The following ALDH3A2 variants were observed in gnomAD, a reference collection of about 807,000 sequenced individuals.
ALDH3A2 encodes aldehyde dehydrogenase family 3 member A2.
A neutral mutation model predicts 51.3 loss-of-function variants in ALDH3A2; 36 were observed. The observed-to-expected ratio is 0.70, with a 90% CI of 0.54 to 0.93. The LOEUF (loss-of-function observed/expected upper bound fraction) is 0.93, where lower values mean the gene tolerates loss of function less well. Ranked by LOEUF, ALDH3A2 falls within the 40% of genes least tolerant of loss-of-function variation. The probability of loss-of-function intolerance (pLI) is 0.00; values close to 1 mark genes in which losing one functional copy is unlikely to be tolerated. For synonymous variants in ALDH3A2, 199 were observed against 219.8 expected, an observed-to-expected ratio of 0.91 and a Z score of 0.84; for missense variants, 552 against 603.1, an observed-to-expected ratio of 0.92 and a Z score of 0.89.
At chr17:19,648,743 TCGAGCTCAGTCCTCC>T (rs2084768624) in exon 1 of ALDH3A2, 52 of 607,880 alleles carry the variant, frequency 8.6e-5, no homozygotes, top group South Asian at 1.0e-3. Context: ...AGGCTTTGGG[TCGAGCTCAGTCCTCC>T]CCCGGCGCCT....
At chr17:19,655,336 G>A (rs2084880484) in intron 3 of ALDH3A2, 1 of 152,260 alleles carries the variant, frequency 6.6e-6, no homozygotes, top group East Asian at 1.9e-4. Context: ...ATGGAAGACA[G>A]TGAGATGTCA....
intron 8 of ALDH3A2, among the ~76,000 whole-genome samples, chr17:19,667,763 T>G (rs973878435): frequency 3.9e-5 from 6 of 152,218 alleles, no homozygotes; most frequent in Non-Finnish European, 7.3e-5. Context: ...TTTGCCATGT[T>G]AGCCAGCCTG....
chr17:19,668,574 G>A (rs1401553183), intron 8 of ALDH3A2, among the ~76,000 whole-genome samples: 1 of 151,780 alleles, frequency 6.6e-6, no homozygotes, highest in African/African-American at 2.4e-5. Context: ...TTTGTTTTTT[G>A]GTTTCCGATT....
chr17:19,658,108 A>G (rs2084921103), intron 5 of ALDH3A2, among the ~76,000 whole-genome samples: 2 of 152,238 alleles, frequency 1.3e-5, no homozygotes, highest in South Asian at 4.1e-4. Flanking sequence ...TAGTTGTGGC[A>G]TATACTTTTT....
intron 3 of ALDH3A2, 195 bp from the exon 4 acceptor site, chr17:19,656,171 A>G: frequency 1.6e-6 from 1 of 629,826 alleles, no homozygotes; most frequent in Non-Finnish European, 2.9e-6. Flanking sequence ...ATGTGGGTTC[A>G]TGCTTCCCAG....
chr17:19,661,050 C>T, intron 5 of ALDH3A2, 77 bp from the exon 6 acceptor site: 3 of 1,408,964 alleles, frequency 2.1e-6, no homozygotes, highest in Non-Finnish European at 3.0e-6. Flanking sequence ...GATTTTGGGG[C>T]ATGGCTGGAT....
intron 5 of ALDH3A2, among the ~76,000 whole-genome samples, chr17:19,658,240 T>G (rs1435952286): frequency 2.0e-5 from 3 of 152,206 alleles, no homozygotes; most frequent in African/African-American, 7.2e-5. Flanking sequence ...AGTTTTTGTG[T>G]ATGTAGAGGG....
chr17:19,651,830 A>C, intron 2 of ALDH3A2, 52 bp downstream of exon 2: 61 of 1,509,144 alleles, frequency 4.0e-5, no homozygotes, highest in Non-Finnish European at 5.6e-5. Context: ...TTATTTTCTC[A>C]TATTAATTGG....
chr17:19,671,669 T>C, intron 8 of ALDH3A2, 52 bp from the exon 9 acceptor site: 21 of 1,501,930 alleles, frequency 1.4e-5, no homozygotes, highest in Non-Finnish European at 1.9e-5. Context: ...TAGACAGAAG[T>C]AGCTTGCATC....
intron 8 of ALDH3A2, among the ~76,000 whole-genome samples, chr17:19,668,768 G>A (rs2085073133): frequency 7.6e-6 from 1 of 131,660 alleles, no homozygotes; most frequent in Non-Finnish European, 1.6e-5. Flanking sequence ...GGCACCACCT[G>A]TAATCCCAGC....
Position 19,675,583 on chromosome 17 carries a change from T to C in ALDH3A2, c.*11T>C. ...GCAGAATATTACTGAAGAATGATCC[T>C]GTTCAACCTCCTAGTGCCTCTACTG... On this transcript the variant is annotated 3_prime_UTR_variant, in exon 10 of 10. Transcript: ENST00000176643. 2 of 1,612,302 alleles carry C rather than the reference T, an allele frequency of 1.2e-6. No homozygotes were observed.
At chr17:19,672,575 T>G (rs894879140) in intron 9 of ALDH3A2, 3 of 175,320 alleles carry the variant, frequency 1.7e-5, no homozygotes, top group African/African-American at 7.2e-5. Context: ...GTTTGCGTAT[T>G]TTGAGATGAA....
At chr17:19,658,078 C>G (rs1414821515) in intron 5 of ALDH3A2, among the ~76,000 whole-genome samples, 1 of 152,158 alleles carries the variant, frequency 6.6e-6, no homozygotes, top group African/African-American at 2.4e-5. Context: ...CTTAAACTGT[C>G]TAGTTGATTT....
At chr17:19,653,562 G>A (rs928909286) in intron 3 of ALDH3A2, among the ~76,000 whole-genome samples, 8 of 151,434 alleles carry the variant, frequency 5.3e-5, no homozygotes, top group African/African-American at 1.5e-4. Context: ...CTCTTAAGGC[G>A]GCGCATCTGG....
rs780142466 is a variant in ALDH3A2 at position 19,654,188 on chromosome 17, C to T, written c.471+1556C>T. The stretch of plus-strand genomic sequence containing the variant: ...GAGTGCTGATTGGTGCATATACAAT[C>T]CTCCGGCTAGACATAAAAGTTCTCT... On this transcript the variant is annotated intron_variant, in intron 3 of 9. Coordinates refer to ENST00000176643, the MANE Select transcript of ALDH3A2 (RefSeq NM_000382.3). The surrounding 1 kb of genome is among the most constrained non-coding windows in gnomAD (Gnocchi z 4.5). Among the ~76,000 whole-genome samples the T allele has an allele frequency of 5.3e-5, 8 of 152,266 alleles. No homozygotes were observed. The highest frequency in any genetic ancestry group is 7.3e-5 in the Non-Finnish European group (5 of 68,050).
intron 8 of ALDH3A2, among the ~76,000 whole-genome samples, chr17:19,671,022 T>C (rs945115510): frequency 1.3e-5 from 2 of 152,206 alleles, no homozygotes; most frequent in Non-Finnish European, 2.9e-5. Context: ...ATATCACACA[T>C]GCCATTCCCT....
rs1258919249 is a variant in ALDH3A2 at position 19,657,009 on chromosome 17, G to C, written c.680+435G>C. 2.0e-5 allele frequency among the ~76,000 whole-genome samples: 3 copies of C among 152,148 alleles called. No homozygotes were observed. In the East Asian group the frequency reaches 5.8e-4, roughly 29 times the overall value. ...AACAAGTGTTCCTCATTTTTTAACTGTGAATAACATCTTGCATCTGAAAAT... is the reference window on the plus strand; with the variant it reads ...AACAAGTGTTCCTCATTTTTTAACTCTGAATAACATCTTGCATCTGAAAAT... On this transcript the variant is annotated intron_variant, in intron 4 of 9. Coordinates refer to ENST00000176643, the MANE Select transcript of ALDH3A2 (RefSeq NM_000382.3).
At chr17:19,658,056 G>C (rs183887196) in intron 5 of ALDH3A2, among the ~76,000 whole-genome samples, 194 bp downstream of exon 5, 74 of 152,350 alleles carry the variant, frequency 4.9e-4, no homozygotes, top group African/African-American at 1.7e-3. Context: ...GGTTGCATTG[G>C]TGTTAAATCT....
chr17:19,657,877 C>A lies in ALDH3A2; in HGVS notation c.798+15C>A. On this transcript the variant is annotated intron_variant, in intron 5 of 9. Coordinates refer to ENST00000176643, the MANE Select transcript of ALDH3A2 (RefSeq NM_000382.3). ...AAACAGTGAAGGTTTGTATTAAAAA[C>A]ATCTGATTCCACTGATTTTAATAAG... 1 of 1,541,622 alleles carries A rather than the reference C, an allele frequency of 6.5e-7. No individual in the cohort carries two copies. The highest frequency in any genetic ancestry group is 9.0e-7 in the Non-Finnish European group (1 of 1,114,538).
Sources: allele counts gnomAD v4.1 joint callset (sites outside exome capture counted in the v4.1 genomes callset), GRCh38; gene constraint gnomAD v4.1.1; non-coding constraint Gnocchi (gnomAD v3.1); transcripts MANE v1.5; gene names NCBI Gene and HGNC (gene_info 2026-07-23, HGNC 2026-07-21).